PLA2G4A: variants seen among roughly 807,000 people sequenced by gnomAD.
PLA2G4A encodes the protein cytosolic phospholipase A2.
A neutral mutation model predicts 81.9 loss-of-function variants in PLA2G4A; 40 were observed. That is an observed-to-expected ratio of 0.49 (90% CI 0.38 to 0.64). The LOEUF is 0.64. Among genes scored for constraint, PLA2G4A ranks in the 30% least tolerant of loss-of-function variants. The pLI, the probability that PLA2G4A is intolerant of heterozygous loss-of-function variation, is 0.00. For synonymous variants in PLA2G4A, 302 were observed against 296.9 expected (o/e 1.02, Z -0.18); for missense variants, 715 against 905.1 (o/e 0.79, Z 2.69).
Position 186,898,166 on chromosome 1 carries a change from T to A in PLA2G4A, c.378+3955T>A, listed in dbSNP as rs181302133. 2.7e-3 allele frequency among the ~76,000 whole-genome samples: 405 copies of A among 152,156 alleles called. 3 individuals are homozygous for A. The highest frequency in any genetic ancestry group is 1.0e-3 in the Non-Finnish European group (70 of 68,002). ...GAATAAAAATCTATCATTTATATAGTATTATATAATTTAAAGATACTAACT... is the reference window on the plus strand; with the variant it reads ...GAATAAAAATCTATCATTTATATAGAATTATATAATTTAAAGATACTAACT... On this transcript the variant is annotated intron_variant, in intron 5 of 17. Coordinates refer to ENST00000367466, the MANE Select transcript of PLA2G4A (RefSeq NM_024420.3).
At position 186,979,370 on chromosome 1, in the gene PLA2G4A, T is replaced by C; in HGVS notation, c.2016T>C (p.Asp672=). The C allele has an allele frequency of 6.2e-7, 1 of 1,610,468 alleles. No individual in the cohort carries two copies. Among genetic ancestry groups the C allele is most frequent in the Non-Finnish European group, 8.5e-7 (1 of 1,176,558 alleles). ...EKEIADFDIF[D]DPESPFSTFN... ...AAATCGCTGACTTTGATATTTTTGA[T>C]GACCCAGAATCACCATTTTCAACCT... The change falls in exon 17 of 18, where the codon GAT becomes GAC. Residue 672 remains aspartate, a synonymous_variant. Coordinates refer to ENST00000367466, the MANE Select transcript of PLA2G4A (RefSeq NM_024420.3).
At chr1:186,855,883 A>G (rs776318361) in intron 2 of PLA2G4A, among the ~76,000 whole-genome samples, 14 of 152,002 alleles carry the variant, frequency 9.2e-5, no homozygotes, top group Non-Finnish European at 1.3e-4. Context: ...ATACCAATCT[A>G]TCCTAATTTC....
At chr1:186,867,607 A>G (rs1405933388) in intron 2 of PLA2G4A, among the ~76,000 whole-genome samples, 1 of 152,006 alleles carries the variant, frequency 6.6e-6, no homozygotes, top group East Asian at 1.9e-4. Flanking sequence ...TTAATTGATT[A>G]TATTGGGTTT....
chr1:186,831,221 C>G (rs906492276), intron 1 of PLA2G4A, among the ~76,000 whole-genome samples: 1 of 151,866 alleles, frequency 6.6e-6, no homozygotes, highest in Admixed American at 6.5e-5. Flanking sequence ...CATGAAAATG[C>G]AGTATTTCTT....
chr1:186,843,505 T>C (rs1194302915), intron 1 of PLA2G4A, among the ~76,000 whole-genome samples: 2 of 152,212 alleles, frequency 1.3e-5, no homozygotes, highest in Admixed American at 1.3e-4. Context: ...AGACAGAACT[T>C]CCTTTGTGCT....
chr1:186,977,571 C>T, intron 15 of PLA2G4A, 22 bp from the exon 16 acceptor site: 1 of 1,562,266 alleles, frequency 6.4e-7, no homozygotes, highest in Non-Finnish European at 8.8e-7. Context: ...TTTCCAAATT[C>T]ATCTTTCCAT....
chr1:186,907,553 T>C (rs1408907238), intron 6 of PLA2G4A, among the ~76,000 whole-genome samples: 3 of 152,212 alleles, frequency 2.0e-5, no homozygotes, highest in African/African-American at 7.2e-5. Context: ...AATTTTAGGG[T>C]AGGCAAGTCT....
chr1:186,962,594 T>C (rs1164642946), intron 14 of PLA2G4A, among the ~76,000 whole-genome samples: 2 of 152,032 alleles, frequency 1.3e-5, no homozygotes, highest in African/African-American at 4.8e-5. Flanking sequence ...CGATCTCGGC[T>C]CTCTGCAAGC....
chr1:186,847,614 A>G (rs896140988), intron 1 of PLA2G4A, among the ~76,000 whole-genome samples: 1 of 152,174 alleles, frequency 6.6e-6, no homozygotes, highest in African/African-American at 2.4e-5. Context: ...AAGCAGATGG[A>G]CAAGGACATT....
chr1:186,892,892 A>G, intron 3 of PLA2G4A, 119 bp from the exon 4 acceptor site: 1 of 751,594 alleles, frequency 1.3e-6, no homozygotes, highest in South Asian at 1.5e-5. Flanking sequence ...CTTGTCTCAG[A>G]CATTTAAATA....
chr1:186,844,950 C>T (rs1297078354), intron 1 of PLA2G4A, among the ~76,000 whole-genome samples: 3 of 152,120 alleles, frequency 2.0e-5, no homozygotes, highest in Non-Finnish European at 4.4e-5. Context: ...CCTGATCACA[C>T]TGTAATCCCC....
At chr1:186,858,585 A>G (rs1216957649) in intron 2 of PLA2G4A, among the ~76,000 whole-genome samples, 3 of 152,032 alleles carry the variant, frequency 2.0e-5, no homozygotes, top group Admixed American at 2.0e-4. Context: ...TTTCTTTTGA[A>G]TGGCAGAGTA....
At chr1:186,973,869 G>C (rs947744439) in intron 15 of PLA2G4A, among the ~76,000 whole-genome samples, 1 of 151,972 alleles carries the variant, frequency 6.6e-6, no homozygotes, top group African/African-American at 2.4e-5. Flanking sequence ...AATTTTTTAA[G>C]ATTCTGGAGG....
Position 186,854,646 on chromosome 1 carries a change from T to A in PLA2G4A, c.33+259T>A, listed in dbSNP as rs570571108. ...AAACACCATAATAATAATGGAACAATAAAAAATGTTGTTATCACTTAGCAA... is the reference window on the plus strand; with the variant it reads ...AAACACCATAATAATAATGGAACAAAAAAAAATGTTGTTATCACTTAGCAA... On this transcript the variant is annotated intron_variant, in intron 2 of 17. Transcript: ENST00000367466. Among the ~76,000 whole-genome samples, 8 of 151,820 alleles carry A rather than the reference T, an allele frequency of 5.3e-5. No individual in the cohort carries two copies. In the East Asian group the frequency reaches 1.5e-3, roughly 29 times the overall value.
chr1:186,905,256 G>A (rs2102141152), intron 5 of PLA2G4A, among the ~76,000 whole-genome samples: 1 of 152,216 alleles, frequency 6.6e-6, no homozygotes, highest in East Asian at 1.9e-4. Context: ...AATGAAAGAG[G>A]CCTTGAATCT....
chr1:186,830,936 AGCTTGCTTGCTTGCTTGCTT>A (rs148614012), intron 1 of PLA2G4A, among the ~76,000 whole-genome samples: 31 of 127,028 alleles, frequency 2.4e-4, no homozygotes, highest in South Asian at 1.0e-3. Context: ...CAGATTGTAT[AGCTTGCTTGCTTGCTTGCTT>A]GCTTTCTTTC....
chr1:186,903,796 A>G (rs1654633059), intron 5 of PLA2G4A, among the ~76,000 whole-genome samples: 1 of 152,320 alleles, frequency 6.6e-6, no homozygotes, highest in African/African-American at 2.4e-5. Context: ...ATATATTACA[A>G]TGTAATAATA....
intron 12 of PLA2G4A, among the ~76,000 whole-genome samples, chr1:186,948,797 G>T (rs1656431084): frequency 6.6e-6 from 1 of 152,140 alleles, no homozygotes; most frequent in African/African-American, 2.4e-5. Context: ...CTGTGTGTCA[G>T]ACTGAGGGGG....
intron 13 of PLA2G4A, among the ~76,000 whole-genome samples, chr1:186,951,445 C>A (rs1656557595): frequency 8.6e-5 from 2 of 23,324 alleles, no homozygotes; most frequent in African/African-American, 5.6e-4. Context: ...AAAAATGTTC[C>A]CAATAGTTAA....
Sources: allele counts gnomAD v4.1 joint callset (sites outside exome capture counted in the v4.1 genomes callset), GRCh38; gene constraint gnomAD v4.1.1; transcripts MANE v1.5; gene names NCBI Gene and HGNC (gene_info 2026-07-23, HGNC 2026-07-21).